Variants in ITFG1 observed in about 807,000 individuals in gnomAD.
ITFG1 encodes integrin alpha FG-GAP repeat containing 1.
A neutral mutation model predicts 81.8 loss-of-function variants in ITFG1; 34 were observed. That is an observed-to-expected ratio of 0.42 (90% CI 0.32 to 0.55). The LOEUF (loss-of-function observed/expected upper bound fraction) is 0.55. Among genes scored for constraint, ITFG1 ranks in the 20% least tolerant of loss-of-function variants. ITFG1 has a pLI of 0.17. For synonymous variants in ITFG1, 285 were observed against 270.6 expected (o/e 1.05, Z -0.52); for missense variants, 672 against 755.4 (o/e 0.89, Z 1.29).
intron 6 of ITFG1, among the ~76,000 whole-genome samples, chr16:47,424,719 G>A (rs1277184829): frequency 6.6e-6 from 1 of 152,142 alleles, no homozygotes; most frequent in Non-Finnish European, 1.5e-5. Context: ...GGAGTTTGCT[G>A]GAGGTCCACT....
At chr16:47,251,008 C>T (rs1966067689) in intron 12 of ITFG1, among the ~76,000 whole-genome samples, 1 of 152,216 alleles carries the variant, frequency 6.6e-6, no homozygotes, top group Non-Finnish European at 1.5e-5. Flanking sequence ...GGGGGATTTG[C>T]TGGTGCTTCT....
At chr16:47,336,270 G>T (rs1470695550) in intron 8 of ITFG1, among the ~76,000 whole-genome samples, 1 of 152,132 alleles carries the variant, frequency 6.6e-6, no homozygotes, top group African/African-American at 2.4e-5. Context: ...TCTGGAAAAC[G>T]GTCAAAGGTT....
chr16:47,186,081 A>G (rs1366356946), intron 14 of ITFG1, among the ~76,000 whole-genome samples: 1 of 152,168 alleles, frequency 6.6e-6, no homozygotes, highest in Non-Finnish European at 1.5e-5. Flanking sequence ...ATCTCTGAAT[A>G]GACCAATAAC....
Position 47,434,016 on chromosome 16 carries a change from T to C in ITFG1, c.561-5118A>G, listed in dbSNP as rs1483166327. 2.7e-5 allele frequency among the ~76,000 whole-genome samples: 4 copies of C among 149,650 alleles called. No homozygotes were observed. In the South Asian group the frequency reaches 6.3e-4, roughly 24 times the overall value. ...GAACTGGCTAGCCATATTCAGAAAA[T>C]GGAAAGTAGACCCCTTCCTTACACC... On this transcript the variant is annotated intron_variant, in intron 5 of 17. Coordinates refer to ENST00000320640, the MANE Select transcript of ITFG1 (RefSeq NM_030790.5).
chr16:47,383,038 C>T (rs1330832221), intron 6 of ITFG1, among the ~76,000 whole-genome samples: 1 of 152,172 alleles, frequency 6.6e-6, no homozygotes, highest in East Asian at 1.9e-4. Context: ...TCCTCTACCC[C>T]TGTGAGGTCA....
chr16:47,323,970 T>C (rs568753166), intron 8 of ITFG1, among the ~76,000 whole-genome samples: 1 of 152,308 alleles, frequency 6.6e-6, no homozygotes, highest in South Asian at 2.1e-4. Flanking sequence ...TATGAAGTAT[T>C]AAATGTGCTA....
At chr16:47,242,271 A>G (rs928669904) in intron 12 of ITFG1, among the ~76,000 whole-genome samples, 3 of 152,034 alleles carry the variant, frequency 2.0e-5, no homozygotes, top group African/African-American at 4.8e-5. Context: ...CAGTTAGAAA[A>G]TAATCCAACA....
intron 10 of ITFG1, among the ~76,000 whole-genome samples, chr16:47,286,832 G>A (rs188325009): frequency 7.4e-4 from 112 of 152,160 alleles, no homozygotes; most frequent in Non-Finnish European, 1.1e-3. Context: ...AGTCTTATGA[G>A]GTATGGATTA....
intron 14 of ITFG1, among the ~76,000 whole-genome samples, chr16:47,188,529 C>T (rs867312456): frequency 1.4e-4 from 21 of 147,046 alleles, no homozygotes; most frequent in South Asian, 1.1e-3. Context: ...AACCAAACAC[C>T]GCATATTCTC....
intron 6 of ITFG1, among the ~76,000 whole-genome samples, chr16:47,421,546 G>A (rs1567494396): frequency 1.3e-5 from 2 of 152,094 alleles, no homozygotes; most frequent in Admixed American, 1.3e-4. Flanking sequence ...CTCATGATCC[G>A]CCCGCCTTGG....
intron 6 of ITFG1, among the ~76,000 whole-genome samples, chr16:47,424,081 T>C (rs1968987453): frequency 6.6e-6 from 1 of 152,244 alleles, no homozygotes; most frequent in Non-Finnish European, 1.5e-5. Flanking sequence ...AACGTAGGTT[T>C]GGTCTTTTCA....
Position 47,452,797 on chromosome 16 carries a change from AAAAG to A in ITFG1, c.428-11_428-8del, listed in dbSNP as rs775949474. 3 of 1,478,656 alleles carry A rather than the reference AAAAG, an allele frequency of 2.0e-6. No individual in the cohort carries two copies. Among genetic ancestry groups the A allele is most frequent in the Non-Finnish European group, 2.8e-6 (3 of 1,074,804 alleles). 91.6% of individuals were successfully genotyped at this position (1,478,656 alleles called of 1,614,324 possible). On this transcript the variant is annotated splice_polypyrimidine_tract_variant and splice_region_variant and intron_variant, in intron 3 of 17. Transcript: ENST00000320640. ...ATGGTCATATTGTTAGGATCTGCAA[AAAAG>A]ATATATATATATATGAATTAGCAGG...
intron 7 of ITFG1, among the ~76,000 whole-genome samples, 177 bp from the exon 8 acceptor site, chr16:47,366,046 G>A (rs1968173604): frequency 6.6e-6 from 1 of 152,170 alleles, no homozygotes; most frequent in African/African-American, 2.4e-5. Context: ...AAACTCCTGT[G>A]AGTTGAGGAA....
At chr16:47,443,615 G>A (rs1490957393) in intron 5 of ITFG1, among the ~76,000 whole-genome samples, 2 of 152,082 alleles carry the variant, frequency 1.3e-5, no homozygotes, top group Non-Finnish European at 2.9e-5. Flanking sequence ...GGATGAAGCT[G>A]GAAACCATCA....
intron 8 of ITFG1, among the ~76,000 whole-genome samples, chr16:47,361,059 C>G (rs978336664): frequency 3.9e-5 from 6 of 152,152 alleles, no homozygotes; most frequent in African/African-American, 1.4e-4. Context: ...ATAACTTTCA[C>G]GAATGACAGT....
rs1964691561 is a variant in ITFG1 at position 47,155,658 on chromosome 16, A to G, written c.*61T>C. 1 of 1,104,552 alleles carries G rather than the reference A, an allele frequency of 9.1e-7. No individual in the cohort carries two copies. Among genetic ancestry groups the G allele is most frequent in the African/African-American group, 1.6e-5 (1 of 62,704 alleles). The allele number at this position is 1,104,552 out of a possible 1,614,324, so 68.4% of individuals were successfully genotyped here. On this transcript the variant is annotated 3_prime_UTR_variant, in exon 18 of 18. Transcript: ENST00000320640. The stretch of plus-strand genomic sequence containing the variant: ...TTAATCTCCCCTATTTTTTCAAGCC[A>G]GAATTTGTGTTTCAACTAATCAAGT...
At chr16:47,403,761 TACACACACACACAC>T (rs55978309) in intron 6 of ITFG1, among the ~76,000 whole-genome samples, 90 of 133,234 alleles carry the variant, frequency 6.8e-4, no homozygotes, top group East Asian at 6.5e-3. Flanking sequence ...TCTCTCTTGG[TACACACACACACAC>T]ACACACACAC....
intron 14 of ITFG1, among the ~76,000 whole-genome samples, chr16:47,175,989 T>G (rs1265702027): frequency 6.6e-6 from 1 of 152,184 alleles, no homozygotes; most frequent in Admixed American, 6.5e-5. Context: ...TTTGGGAGGT[T>G]CCTATTGTAG....
chr16:47,172,560 T>A (rs1411752371), intron 14 of ITFG1, among the ~76,000 whole-genome samples: 3 of 151,880 alleles, frequency 2.0e-5, no homozygotes. Context: ...CCATCTCAGT[T>A]ATGGCCATTC....
Sources: allele counts gnomAD v4.1 joint callset (sites outside exome capture counted in the v4.1 genomes callset), GRCh38; gene constraint gnomAD v4.1.1; transcripts MANE v1.5; gene names NCBI Gene and HGNC (gene_info 2026-07-23, HGNC 2026-07-21).